Variants in ADCY8 observed in about 807,000 individuals in gnomAD.
ADCY8 encodes the protein adenylate cyclase type 8.
Under a neutral mutation model 119.7 loss-of-function variants are expected in ADCY8, and 51 were observed. That is an observed-to-expected ratio of 0.43 (90% CI 0.34 to 0.54). ADCY8 has a LOEUF of 0.54. Among genes scored for constraint, ADCY8 ranks in the 20% least tolerant of loss-of-function variants. The pLI, the probability that ADCY8 is intolerant of heterozygous loss-of-function variation, is 0.03. For synonymous variants in ADCY8, 665 were observed against 651.0 expected, an observed-to-expected ratio of 1.02 and a Z score of -0.33; for missense variants, 1,383 against 1,598.8, an observed-to-expected ratio of 0.87 and a Z score of 2.30.
At chr8:130,892,160 A>T (rs554579739) in intron 7 of ADCY8, 1 of 152,120 alleles carries the variant, frequency 6.6e-6, no homozygotes, top group Non-Finnish European at 1.5e-5. Context: ...CAGAATGTCC[A>T]TTCTGTTGCA....
At chr8:130,805,604 G>A (rs1563671637) in intron 14 of ADCY8, among the ~76,000 whole-genome samples, 1 of 152,192 alleles carries the variant, frequency 6.6e-6, no homozygotes, top group Non-Finnish European at 1.5e-5. Flanking sequence ...ACTGATGGAG[G>A]GAGTGGCTAC....
intron 15 of ADCY8, among the ~76,000 whole-genome samples, chr8:130,789,264 G>C (rs1465236223): frequency 3.3e-5 from 5 of 152,054 alleles, no homozygotes; most frequent in Admixed American, 3.3e-4. Flanking sequence ...ACTCTAATGG[G>C]CTGGCTAATC....
At chr8:130,884,096 G>C (rs1194820108) in intron 8 of ADCY8, among the ~76,000 whole-genome samples, 1 of 152,148 alleles carries the variant, frequency 6.6e-6, no homozygotes, top group Non-Finnish European at 1.5e-5. Context: ...TGAGGCAGCA[G>C]ACAACTGGGG....
Position 131,039,962 on chromosome 8 carries a change from C to G in ADCY8, c.372G>C (p.Gly124=). 2 of 1,587,418 alleles carry G rather than the reference C, an allele frequency of 1.3e-6. No homozygotes were observed. Among genetic ancestry groups the G allele is most frequent in the Non-Finnish European group, 8.6e-7 (1 of 1,167,560 alleles). Residue 124 remains glycine (G), a synonymous_variant, in exon 1 of 18, where the codon GGG becomes GGC. Coordinates refer to ENST00000286355, the MANE Select transcript of ADCY8 (RefSeq NM_001115.3). ...GSGSASGSGG[G]GDLGFLHLDC... ...CAAGGTGCAGGAAGCCCAGGTCGCC[C>G]CCGCCTCCGCTGCCGCTGGCACTGC...
chr8:130,907,676 G>A (rs1219737857), intron 6 of ADCY8, among the ~76,000 whole-genome samples: 2 of 152,198 alleles, frequency 1.3e-5, no homozygotes, highest in African/African-American at 2.4e-5. Flanking sequence ...AAATAAGGGT[G>A]TGAAAGATGA....
intron 1 of ADCY8, among the ~76,000 whole-genome samples, chr8:131,019,062 T>C (rs1823569317): frequency 6.6e-6 from 1 of 152,076 alleles, no homozygotes; most frequent in Non-Finnish European, 1.5e-5. Context: ...GGGACTCTTG[T>C]GAAGGTGATG....
At chr8:130,819,767 GC>G (rs36020360) in intron 13 of ADCY8, among the ~76,000 whole-genome samples, 17,778 of 152,212 alleles carry the variant, frequency 0.12, 1,126 homozygotes, top group Middle Eastern at 0.15. Flanking sequence ...CTCACAGATA[GC>G]TGGAAAGACC....
At chr8:130,877,036 T>C (rs1042192270) in intron 8 of ADCY8, among the ~76,000 whole-genome samples, 3 of 152,180 alleles carry the variant, frequency 2.0e-5, no homozygotes, top group African/African-American at 7.2e-5. Flanking sequence ...TGTCAAATAG[T>C]ACAATTAGTA....
chr8:130,958,343 T>C (rs1821495279), intron 2 of ADCY8, among the ~76,000 whole-genome samples: 1 of 152,190 alleles, frequency 6.6e-6, no homozygotes, highest in Non-Finnish European at 1.5e-5. Flanking sequence ...CATCCCACTT[T>C]CTTGAGGTCT....
In ADCY8 at chr8:130,954,973, C is replaced by A. The variant is rs192803335; in HGVS notation, c.1111-2975G>T. 3.9e-5 allele frequency among the ~76,000 whole-genome samples: 6 copies of A among 152,202 alleles called. No individual in the cohort carries two copies. The East Asian group carries it at 1.2e-3, about 29-fold the overall frequency. On this transcript the variant is annotated intron_variant, in intron 2 of 17. Transcript: ENST00000286355. ...GAGGGACGAGTTTCTAAGGAGGGTTCCTGAAAAATGTGTGAGGGTTCAAAC... is the reference window on the plus strand; with the variant it reads ...GAGGGACGAGTTTCTAAGGAGGGTTACTGAAAAATGTGTGAGGGTTCAAAC...
chr8:130,961,986 CA>C (rs1051834982), intron 2 of ADCY8, among the ~76,000 whole-genome samples: 10 of 152,124 alleles, frequency 6.6e-5, no homozygotes, highest in African/African-American at 2.4e-4. Flanking sequence ...AAAAAGAAAA[CA>C]ACATTATTAA....
chr8:130,816,112 A>T (rs4736706), intron 13 of ADCY8, among the ~76,000 whole-genome samples: 38,205 of 152,066 alleles, frequency 0.25, 4,862 homozygotes, highest in East Asian at 0.26. Flanking sequence ...TTTTAAAAAA[A>T]TTTTAAAGTC....
intron 9 of ADCY8, among the ~76,000 whole-genome samples, chr8:130,867,048 A>C (rs542554378): frequency 1.3e-5 from 2 of 152,296 alleles, no homozygotes; most frequent in African/African-American, 4.8e-5. Context: ...TATTATTTTT[A>C]ATCATGTGAA....
chr8:130,925,378 T>A (rs1228120758), intron 5 of ADCY8, among the ~76,000 whole-genome samples: 1 of 152,194 alleles, frequency 6.6e-6, no homozygotes, highest in South Asian at 2.1e-4. Flanking sequence ...ATTAAAAATA[T>A]TTCCATAGTG....
intron 15 of ADCY8, among the ~76,000 whole-genome samples, chr8:130,786,227 T>C (rs1815244763): frequency 6.6e-6 from 1 of 152,228 alleles, no homozygotes; most frequent in African/African-American, 2.4e-5. Flanking sequence ...CTGTTGTGTT[T>C]ACTACTCAGC....
In ADCY8 at chr8:131,040,082, T is replaced by C. The variant is rs758154376; in HGVS notation, c.252A>G (p.Ser84=). The part of the protein sequence containing the change: ...GGPNHHAPQL[S]GDSALPLYSL... ...AGTAGAGGGGCAGCGCCGAGTCGCC[T>C]GACAGCTGCGGCGCGTGGTGGTTGG... The change falls in exon 1 of 18, where the codon TCA becomes TCG. Residue 84 remains serine (S), a synonymous_variant. Transcript: ENST00000286355. 34 of 1,534,108 alleles carry C rather than the reference T, an allele frequency of 2.2e-5. No individual in the cohort carries two copies. The Admixed American group carries it at 6.1e-4, about 27-fold the overall frequency.
chr8:130,983,408 G>T (rs1311384442), intron 2 of ADCY8, among the ~76,000 whole-genome samples: 1 of 152,166 alleles, frequency 6.6e-6, no homozygotes, highest in African/African-American at 2.4e-5. Context: ...AAGCCAGAGG[G>T]TAATGAGTCT....
At chr8:130,958,263 GT>G (rs1275951022) in intron 2 of ADCY8, among the ~76,000 whole-genome samples, 1 of 152,204 alleles carries the variant, frequency 6.6e-6, no homozygotes, top group Non-Finnish European at 1.5e-5. Flanking sequence ...AAAAGAGAGA[GT>G]TTCAGACATT....
chr8:130,875,560 A>C (rs1376397794), intron 8 of ADCY8, among the ~76,000 whole-genome samples: 1 of 152,156 alleles, frequency 6.6e-6, no homozygotes, highest in East Asian at 1.9e-4. Flanking sequence ...TCGTTACCTA[A>C]TTCCAGAGTC....
Sources: gnomAD v4.1 joint callset for allele counts (sites outside exome capture counted in the v4.1 genomes callset) on GRCh38, gnomAD v4.1.1 for gene constraint, MANE v1.5 for transcripts, NCBI Gene and HGNC (gene_info 2026-07-23, HGNC 2026-07-21) for gene names.